Variants in PVT1 observed in about 807,000 individuals in gnomAD.
The protein encoded by PVT1 is Pvt1 oncogene.
At position 127,811,212 on chromosome 8, in the gene PVT1, A is replaced by T. The variant is rs73710027; in HGVS notation, n.372+15141A>T. ...CCCTTTTCTCTCCTCATGCCAAAAG[A>T]TAGACCCAGTGTTGCCAGAGCTTCC... is the stretch of plus-strand genomic sequence containing the variant. On this transcript the variant is annotated intron_variant and non_coding_transcript_variant, in intron 2 of 10. Coordinates refer to ENST00000651587, the Ensembl canonical transcript of PVT1. 1.6e-3 allele frequency among the ~76,000 whole-genome samples: 240 copies of T among 152,314 alleles called. 4 individuals are homozygous for T. The highest frequency in any genetic ancestry group is 5.5e-3 in the African/African-American group (227 of 41,566).
intron 3 of PVT1, among the ~76,000 whole-genome samples, chr8:127,911,163 G>A (rs1211420576): frequency 6.6e-6 from 1 of 152,174 alleles, no homozygotes; most frequent in Admixed American, 6.5e-5. Flanking sequence ...GGTCAGACAG[G>A]TGGGACTCCC....
chr8:128,020,554 A>G (rs1204502722), intron 4 of PVT1, among the ~76,000 whole-genome samples: 1 of 152,194 alleles, frequency 6.6e-6, no homozygotes, highest in African/African-American at 2.4e-5. Flanking sequence ...CCGCCGGCCT[A>G]CAGCTGCAGG....
intron 4 of PVT1, among the ~76,000 whole-genome samples, chr8:128,063,990 A>C (rs1813867161): frequency 6.6e-6 from 1 of 152,192 alleles, no homozygotes; most frequent in Non-Finnish European, 1.5e-5. Flanking sequence ...TGTGAATTAA[A>C]AAAAAAGATT....
At chr8:127,849,667 C>A (rs1052374030) in intron 2 of PVT1, among the ~76,000 whole-genome samples, 1 of 146,496 alleles carries the variant, frequency 6.8e-6, no homozygotes, top group Non-Finnish European at 1.5e-5. Flanking sequence ...CCTGCGTGCA[C>A]GTGCATGGGT....
intron 3 of PVT1, among the ~76,000 whole-genome samples, chr8:127,924,225 C>T (rs1349229274): frequency 1.3e-5 from 2 of 152,226 alleles, no homozygotes; most frequent in African/African-American, 4.8e-5. Context: ...TATTCCTTCA[C>T]ATCAGAGCAA....
chr8:128,008,094 A>G (rs1280203895), intron 4 of PVT1, among the ~76,000 whole-genome samples: 1 of 152,256 alleles, frequency 6.6e-6, no homozygotes, highest in Non-Finnish European at 1.5e-5. Flanking sequence ...GCCATGTGAC[A>G]ATCGTTGCAT....
intron 2 of PVT1, among the ~76,000 whole-genome samples, chr8:127,842,578 T>G (rs1462989630): frequency 1.3e-5 from 2 of 152,084 alleles, no homozygotes; most frequent in Non-Finnish European, 2.9e-5. Flanking sequence ...TGTTGAATTT[T>G]TTGTCTCCCC....
chr8:127,948,315 C>T (rs1032552051), intron 3 of PVT1: 3 of 196,306 alleles, frequency 1.5e-5, no homozygotes, highest in African/African-American at 6.9e-5. Flanking sequence ...GGGAAGGAGA[C>T]CGACTCTAGG....
intron 4 of PVT1, among the ~76,000 whole-genome samples, chr8:128,005,396 T>C (rs1294982305): frequency 1.3e-5 from 2 of 152,232 alleles, no homozygotes; most frequent in Non-Finnish European, 1.5e-5. Context: ...GAGCTGTGAC[T>C]GAAGGATGGA....
intron 3 of PVT1, among the ~76,000 whole-genome samples, chr8:127,916,568 C>T (rs1815987994): frequency 6.6e-6 from 1 of 152,156 alleles, no homozygotes; most frequent in African/African-American, 2.4e-5. Flanking sequence ...CATAACCAAG[C>T]AGGAGATAGA....
intron 3 of PVT1, among the ~76,000 whole-genome samples, chr8:127,911,342 C>T (rs909802624): frequency 6.6e-6 from 1 of 152,238 alleles, no homozygotes; most frequent in African/African-American, 2.4e-5. Context: ...CCTGAAGATA[C>T]CGCAAGGGGA....
intron 4 of PVT1, chr8:128,010,389 C>T (rs764744684): frequency 2.0e-5 from 3 of 152,198 alleles, no homozygotes; most frequent in South Asian, 2.1e-4. Flanking sequence ...CCAACTTCTT[C>T]GCCAAATTAA....
chr8:127,978,561 A>G (rs1816848705), intron 3 of PVT1, among the ~76,000 whole-genome samples: 1 of 151,322 alleles, frequency 6.6e-6, no homozygotes, highest in Non-Finnish European at 1.5e-5. Context: ...TCGGCTCACT[A>G]CAACTTCTGC....
intron 2 of PVT1, among the ~76,000 whole-genome samples, chr8:127,869,813 T>G (rs768204909): frequency 2.4e-4 from 36 of 151,954 alleles, no homozygotes; most frequent in Non-Finnish European, 4.6e-4. Context: ...TTGTTTTTGT[T>G]TTTGTTTTGA....
intron 5 of PVT1, among the ~76,000 whole-genome samples, chr8:128,086,448 A>C (rs568434784): frequency 1.3e-5 from 2 of 152,344 alleles, no homozygotes; most frequent in East Asian, 3.9e-4. Flanking sequence ...AAGAGGGGTT[A>C]AGTCTCTTCC....
intron 4 of PVT1, among the ~76,000 whole-genome samples, chr8:128,019,400 G>A (rs1003769007): frequency 6.6e-6 from 1 of 152,172 alleles, no homozygotes; most frequent in Non-Finnish European, 1.5e-5. Flanking sequence ...TGCAAATGTA[G>A]TGGTGCACTG....
At chr8:127,943,474 G>T (rs1816377643) in intron 3 of PVT1, among the ~76,000 whole-genome samples, 2 of 152,200 alleles carry the variant, frequency 1.3e-5, no homozygotes, top group Non-Finnish European at 2.9e-5. Context: ...CTACAGCAGA[G>T]TTTCTCAGCC....
At chr8:127,955,738 A>G (rs1021054883) in intron 3 of PVT1, among the ~76,000 whole-genome samples, 5 of 151,850 alleles carry the variant, frequency 3.3e-5, no homozygotes, top group African/African-American at 9.7e-5. Context: ...ACGTTCCACC[A>G]TACCCTGCTA....
At chr8:128,007,525 A>G (rs1294603476) in intron 4 of PVT1, among the ~76,000 whole-genome samples, 6 of 152,212 alleles carry the variant, frequency 3.9e-5, no homozygotes, top group Non-Finnish European at 8.8e-5. Context: ...TTGTAGTACC[A>G]TTTGTATAGA....
Sources: allele counts gnomAD v4.1 joint callset (sites outside exome capture counted in the v4.1 genomes callset), GRCh38; gene constraint gnomAD v4.1.1; transcripts MANE v1.5; gene names NCBI Gene and HGNC (gene_info 2026-07-23, HGNC 2026-07-21).